Variants in RC3H1 observed in about 807,000 individuals in gnomAD.
RC3H1 encodes roquin-1.
In RC3H1, 50 loss-of-function variants were observed where a neutral mutation model predicts 138.2. The ratio of observed to expected loss-of-function variants is 0.36; its 90% CI spans 0.29 to 0.46. The LOEUF is 0.46. Ranked by LOEUF, RC3H1 falls within the 20% of genes least tolerant of loss-of-function variation. RC3H1 has a pLI of 1.00. For missense variants in RC3H1, 1,031 were observed against 1,388.1 expected, an observed-to-expected ratio of 0.74 and a Z score of 4.09; for synonymous variants, 462 against 489.1, an observed-to-expected ratio of 0.94 and a Z score of 0.73.
At chr1:174,016,450 G>T in intron 1 of RC3H1, among the ~76,000 whole-genome samples, 1 of 144,638 alleles carries the variant, frequency 6.9e-6, no homozygotes, top group African/African-American at 2.6e-5. Context: ...TTTGAGGTGG[G>T]GTTTCACTCT....
At chr1:173,969,099 C>T (rs986094846) in intron 9 of RC3H1, among the ~76,000 whole-genome samples, 6 of 151,600 alleles carry the variant, frequency 4.0e-5, no homozygotes, top group Admixed American at 6.6e-5. Flanking sequence ...CCTTGTGATC[C>T]GCCCGCTTCA....
intron 1 of RC3H1, among the ~76,000 whole-genome samples, chr1:174,012,452 A>G (rs1193434533): frequency 1.3e-5 from 2 of 152,118 alleles, no homozygotes. Context: ...CCTCTTCAAA[A>G]TAACTTCTAA....
chr1:174,011,390 CT>C (rs1427781745), intron 1 of RC3H1, among the ~76,000 whole-genome samples: 1 of 151,902 alleles, frequency 6.6e-6, no homozygotes, highest in Admixed American at 6.6e-5. Context: ...CATTCAAAAA[CT>C]GCTATCAATG....
At chr1:173,999,630 CA>C (rs1661528232) in intron 1 of RC3H1, among the ~76,000 whole-genome samples, 1 of 152,192 alleles carries the variant, frequency 6.6e-6, no homozygotes, top group South Asian at 2.1e-4. Context: ...TGACATGATG[CA>C]TCTGGAAAGA....
At position 173,936,679 on chromosome 1, in the gene RC3H1, T is replaced by C. The variant is rs1572104188; in HGVS notation, c.*2042A>G. The C allele has an allele frequency of 1.5e-5, 2 of 132,042 alleles. No individual in the cohort carries two copies. Among genetic ancestry groups the C allele is most frequent in the African/African-American group, 5.8e-5 (2 of 34,306 alleles). 8.2% of individuals were successfully genotyped at this position (132,042 alleles called of 1,614,324 possible). Reference sequence around the variant, plus strand: ...TTAAAGTGGAAATGTAAAAGGGTTTTAAGTAAAAGTCAAAAAGCAAACAAA... The same window carrying C: ...TTAAAGTGGAAATGTAAAAGGGTTTCAAGTAAAAGTCAAAAAGCAAACAAA... On this transcript the variant is annotated 3_prime_UTR_variant, in exon 20 of 20. Coordinates refer to ENST00000367696, the MANE Select transcript of RC3H1 (RefSeq NM_172071.4).
At chr1:174,010,478 G>A (rs1251576141) in intron 1 of RC3H1, among the ~76,000 whole-genome samples, 1 of 152,114 alleles carries the variant, frequency 6.6e-6, no homozygotes, top group East Asian at 1.9e-4. Context: ...GCAGTAGCAT[G>A]ATCAGAGCTC....
At chr1:173,965,827 A>G (rs1309519111) in intron 9 of RC3H1, among the ~76,000 whole-genome samples, 1 of 152,064 alleles carries the variant, frequency 6.6e-6, no homozygotes, top group Non-Finnish European at 1.5e-5. Flanking sequence ...ACTGTGAAAC[A>G]TTTGTCATTT....
chr1:174,013,675 C>T (rs970382619), intron 1 of RC3H1, among the ~76,000 whole-genome samples: 2 of 151,942 alleles, frequency 1.3e-5, no homozygotes, highest in East Asian at 2.0e-4. Flanking sequence ...CGCCTGACCT[C>T]GTGATCCTTG....
At chr1:173,939,922 A>T (rs901017020) in intron 19 of RC3H1, among the ~76,000 whole-genome samples, 1 of 152,176 alleles carries the variant, frequency 6.6e-6, no homozygotes, top group East Asian at 1.9e-4. Flanking sequence ...AATTTTTGTT[A>T]TATATCATCA....
Position 174,022,161 on chromosome 1 carries a change from AGCCGCC to A in RC3H1, c.-222_-217del, listed in dbSNP as rs538993536. ...CCGCGGCCGTCGCCACCGCCGCGGC[AGCCGCC>A]GCCGCCGCCGAGGCCACCGTTGACT... On this transcript the variant is annotated 5_prime_UTR_variant, in exon 1 of 20. Coordinates refer to ENST00000367696, the MANE Select transcript of RC3H1 (RefSeq NM_172071.4). The surrounding 1 kb of genome is among the most constrained non-coding windows in gnomAD (Gnocchi z 4.2). 2.5e-6 allele frequency: 1 copy of A among 394,482 alleles called. No homozygotes were observed. Among genetic ancestry groups the A allele is most frequent in the African/African-American group, 2.1e-5 (1 of 48,152 alleles). The allele number at this position is 394,482 out of a possible 1,614,324, so 24.4% of individuals were successfully genotyped here.
chr1:173,984,672 A>T, intron 2 of RC3H1, 53 bp from the exon 3 acceptor site: 4 of 1,580,710 alleles, frequency 2.5e-6, no homozygotes, highest in Non-Finnish European at 3.4e-6. Context: ...TAATTGTTTT[A>T]TTTAGTATAG....
At chr1:174,002,467 T>A (rs1354579959) in intron 1 of RC3H1, among the ~76,000 whole-genome samples, 2 of 152,208 alleles carry the variant, frequency 1.3e-5, no homozygotes, top group Non-Finnish European at 2.9e-5. Flanking sequence ...GCACTAATAT[T>A]CTGTTTCTTC....
At chr1:173,947,044 T>C (rs571454025) in intron 15 of RC3H1, among the ~76,000 whole-genome samples, 2 of 152,322 alleles carry the variant, frequency 1.3e-5, no homozygotes, top group Non-Finnish European at 2.9e-5. Context: ...TCTTCCCCAA[T>C]GAACTTTCAG....
intron 18 of RC3H1, among the ~76,000 whole-genome samples, 199 bp downstream of exon 18, chr1:173,943,243 A>T (rs1658983920): frequency 6.6e-6 from 1 of 152,240 alleles, no homozygotes. Flanking sequence ...GAATTATAAG[A>T]CAAAGAACAC....
intron 14 of RC3H1, among the ~76,000 whole-genome samples, chr1:173,950,420 C>CAAAAAAAAAAAAAGAAAA (rs1659340328): frequency 1.6e-5 from 1 of 63,664 alleles, no homozygotes; most frequent in Non-Finnish European, 3.0e-5. Context: ...TCATCTCTAC[C>CAAAAAAAAAAAAAGAAAA]AAAAAAAAAA....
At chr1:174,011,128 T>C (rs1423180236) in intron 1 of RC3H1, among the ~76,000 whole-genome samples, 1 of 152,206 alleles carries the variant, frequency 6.6e-6, no homozygotes, top group Non-Finnish European at 1.5e-5. Flanking sequence ...TCAAATTCTA[T>C]TTTATAGTGA....
At position 174,022,344 on chromosome 1, in the gene RC3H1, A is replaced by G. The variant is rs1661987715; in HGVS notation, c.-399T>C. Reference sequence around the variant, plus strand: ...TCCTCCTCCTCGTCCTCCGCCGCCCAGTCGCTCGTTGTCCTCGTCCCCTTC... The same window carrying G: ...TCCTCCTCCTCGTCCTCCGCCGCCCGGTCGCTCGTTGTCCTCGTCCCCTTC... On this transcript the variant is annotated 5_prime_UTR_variant, in exon 1 of 20. Coordinates refer to ENST00000367696, the MANE Select transcript of RC3H1 (RefSeq NM_172071.4). This position sits in a 1 kb window ranked among gnomAD's most constrained non-coding sequence, Gnocchi z 4.2. 7 of 378,334 alleles carry G rather than the reference A, an allele frequency of 1.9e-5. No homozygotes were observed. In the South Asian group the frequency reaches 9.9e-4, roughly 54 times the overall value. The allele number at this position is 378,334 out of a possible 1,614,324, so 23.4% of individuals were successfully genotyped here.
At position 174,018,733 on chromosome 1, in the gene RC3H1, T is replaced by C. The variant is rs543320882; in HGVS notation, c.-151+3363A>G. Reference sequence around the variant, plus strand: ...TCTGAACCCAATCCTGCAGAATACCTGAACCCTGAGCACAGACGGGGCCAA... The same window carrying C: ...TCTGAACCCAATCCTGCAGAATACCCGAACCCTGAGCACAGACGGGGCCAA... On this transcript the variant is annotated intron_variant, in intron 1 of 19. Transcript: ENST00000367696. 1.1e-3 allele frequency among the ~76,000 whole-genome samples: 175 copies of C among 152,296 alleles called. 1 individual carries two copies. Among genetic ancestry groups the C allele is most frequent in the African/African-American group, 4.1e-3 (171 of 41,558 alleles).
chr1:174,017,810 A>AAAAAAAAAAAAAAAAAC (rs1661889930), intron 1 of RC3H1, among the ~76,000 whole-genome samples: 1 of 146,126 alleles, frequency 6.8e-6, no homozygotes, highest in African/African-American at 2.5e-5. Context: ...AAAAAAAAAA[A>AAAAAAAAAAAAAAAAAC]CTGCTACCAT....
Sources: gnomAD v4.1 joint callset for allele counts (sites outside exome capture counted in the v4.1 genomes callset) on GRCh38, gnomAD v4.1.1 for gene constraint, Gnocchi (gnomAD v3.1) non-coding constraint, MANE v1.5 for transcripts, NCBI Gene and HGNC (gene_info 2026-07-23, HGNC 2026-07-21) for gene names.